The following DHX57 variants were observed in gnomAD, a reference collection of about 807,000 sequenced individuals.
DHX57 encodes putative ATP-dependent RNA helicase DHX57.
A neutral mutation model predicts 156.2 loss-of-function variants in DHX57; 105 were observed. That is an observed-to-expected ratio of 0.67 (90% CI 0.57 to 0.79). DHX57 has a LOEUF of 0.79. Among genes scored for constraint, DHX57 ranks in the 30% least tolerant of loss-of-function variants. DHX57 has a pLI of 0.00. For synonymous variants in DHX57, 704 were observed against 595.6 expected (o/e 1.18, Z -2.65); for missense variants, 1,847 against 1,661.9 (o/e 1.11, Z -1.94).
At chr2:38,799,271 C>A (rs1355726283) in intron 23 of DHX57, among the ~76,000 whole-genome samples, 6 of 151,642 alleles carry the variant, frequency 4.0e-5, no homozygotes, top group Non-Finnish European at 8.8e-5. Context: ...GAGGCTAAGG[C>A]AGGAGAATCG....
At position 38,819,179 on chromosome 2, in the gene DHX57, C is replaced by T. The variant is rs1558364779; in HGVS notation, c.3292-35G>A. 3 of 1,260,466 alleles carry T rather than the reference C, an allele frequency of 2.4e-6. No homozygotes were observed. In the South Asian group the frequency reaches 4.3e-5, roughly 18 times the overall value. 78.1% of individuals were successfully genotyped at this position (1,260,466 alleles called of 1,614,324 possible). A position where few individuals can be genotyped will look rare whatever the true frequency, so the allele number is the denominator to read the frequency against. On this transcript the variant is annotated intron_variant, in intron 17 of 23. Transcript: ENST00000457308. ...AGAGGAAAATCAGATTTAAAGAACA[C>T]TTTTTTTTTTTCAAAGACAGGGTCT... is the stretch of plus-strand genomic sequence containing the variant.
At chr2:38,855,020 A>C (rs1246670481) in intron 8 of DHX57, 37 bp downstream of exon 8, 3 of 1,613,722 alleles carry the variant, frequency 1.9e-6, no homozygotes, top group East Asian at 2.2e-5. Flanking sequence ...AAAAACCATA[A>C]ATTTCTGTTA....
At chr2:38,855,715 A>ATATAATATTAAATTG in intron 7 of DHX57, among the ~76,000 whole-genome samples, 1 of 152,220 alleles carries the variant, frequency 6.6e-6, no homozygotes, top group South Asian at 2.1e-4. Flanking sequence ...ATACTCTTGA[A>ATATAATATTAAATTG]TAAATAAATG....
intron 2 of DHX57, 67 bp from the exon 3 acceptor site, chr2:38,863,586 G>A: frequency 1.3e-6 from 2 of 1,492,644 alleles, no homozygotes; most frequent in South Asian, 1.3e-5. Flanking sequence ...TCTCCTCAGG[G>A]GTCCCCAGAT....
chr2:38,819,201 G>A (rs1055149477), intron 17 of DHX57, 57 bp from the exon 18 acceptor site: 15 of 1,534,268 alleles, frequency 9.8e-6, no homozygotes, highest in Admixed American at 1.7e-5. Context: ...CAAAGACAGG[G>A]TCTTGTTCTG....
At chr2:38,809,619 G>A (rs1189316804) in intron 21 of DHX57, among the ~76,000 whole-genome samples, 1 of 151,700 alleles carries the variant, frequency 6.6e-6, no homozygotes, top group Non-Finnish European at 1.5e-5. Context: ...CCGCCACCAT[G>A]CCTGGCTAAT....
chr2:38,849,932 T>C (rs1453830879), intron 9 of DHX57, among the ~76,000 whole-genome samples: 16 of 152,230 alleles, frequency 1.1e-4, no homozygotes, highest in Admixed American at 1.0e-3. Context: ...TTTTCTGCTT[T>C]ATTTTTTCTT....
chr2:38,810,620 T>C, intron 21 of DHX57: 1 of 638,094 alleles, frequency 1.6e-6, no homozygotes, highest in South Asian at 1.4e-5. Context: ...CCCTTGAAGA[T>C]GGATACCTGC....
intron 6 of DHX57, 38 bp from the exon 7 acceptor site, chr2:38,856,499 TTTTC>T (rs749161593): frequency 6.4e-7 from 1 of 1,557,452 alleles, no homozygotes; most frequent in Non-Finnish European, 8.6e-7. Flanking sequence ...TTGGGTTACT[TTTTC>T]TTTTTTTTTT....
chr2:38,815,126 T>C (rs557684727), intron 20 of DHX57, among the ~76,000 whole-genome samples: 1 of 151,948 alleles, frequency 6.6e-6, no homozygotes, highest in African/African-American at 2.4e-5. Context: ...GAGTGCAGTG[T>C]CTCAATCTTA....
intron 12 of DHX57, among the ~76,000 whole-genome samples, 171 bp downstream of exon 12, chr2:38,842,834 G>A (rs923166256): frequency 2.0e-5 from 3 of 152,080 alleles, no homozygotes; most frequent in Admixed American, 1.3e-4. Context: ...AGTAACAATT[G>A]TATTCTAAAT....
rs763873864 is a variant in DHX57 at position 38,843,200 on chromosome 2, G to T, written c.2230C>A (p.Gln744Lys). ...GACCGCATATATGGGCTCCCATCCT[G>T]TAATACATACCTGAGAAAGACAAAG... Reference protein sequence around the residue: ...DAIAVTRYVLQDGSPYMRSMK... With the variant: ...DAIAVTRYVLKDGSPYMRSMK... Residue 744 changes from glutamine (Q) to lysine (K), a missense_variant, in exon 12 of 24, where the codon CAG (glutamine) becomes AAG (lysine). Physicochemically the swap from Gln to Lys is moderately conservative, Grantham distance 53. Coordinates refer to ENST00000457308, the MANE Select transcript of DHX57 (RefSeq NM_198963.3). 1 of 1,613,852 alleles carries T rather than the reference G, an allele frequency of 6.2e-7. No homozygotes were observed. Among genetic ancestry groups the T allele is most frequent in the African/African-American group, 1.3e-5 (1 of 74,934 alleles).
At chr2:38,861,928 T>C in intron 4 of DHX57, 91 bp from the exon 5 acceptor site, 1 of 1,366,474 alleles carries the variant, frequency 7.3e-7, no homozygotes, top group Non-Finnish European at 9.9e-7. Flanking sequence ...TAGATGAAGT[T>C]ATGACTACAC....
chr2:38,832,706 T>C (rs1162697656), intron 13 of DHX57, among the ~76,000 whole-genome samples: 3 of 151,566 alleles, frequency 2.0e-5, no homozygotes, highest in African/African-American at 7.3e-5. Context: ...TCACCATGTC[T>C]GGCTAATTTT....
At chr2:38,859,772 T>C (rs1443969046) in intron 5 of DHX57, among the ~76,000 whole-genome samples, 4 of 151,824 alleles carry the variant, frequency 2.6e-5, no homozygotes, top group Admixed American at 2.6e-4. Context: ...TACAAACTTT[T>C]GTTTCTCTGG....
intron 13 of DHX57, among the ~76,000 whole-genome samples, chr2:38,836,794 A>AAG (rs1553329628): frequency 0.01 from 1,469 of 143,294 alleles, 14 homozygotes; most frequent in Non-Finnish European, 0.016. Context: ...AAAAAAAAAA[A>AAG]AAAGAAACAA....
At position 38,861,409 on chromosome 2, in the gene DHX57, A is replaced by G. The variant is rs147595771; in HGVS notation, c.1001T>C (p.Ile334Thr). The change falls in exon 5 of 24, where the codon ATA becomes ACA. Residue 334 changes from isoleucine to threonine, a missense_variant. Coordinates refer to ENST00000457308, the MANE Select transcript of DHX57 (RefSeq NM_198963.3). Reference protein sequence around the residue: ...EVPPNQIVGRIERSVDDSHLN... With the variant: ...EVPPNQIVGRTERSVDDSHLN... ...ATGAGAATCATCTACACTTCTTTCT[A>G]TTCTTCCAACAATTTGATTTGGGGG... 17 of 1,614,068 alleles carry G rather than the reference A, an allele frequency of 1.1e-5. No homozygotes were observed. The East Asian group carries it at 1.1e-4, about 11-fold the overall frequency.
intron 19 of DHX57, chr2:38,816,264 G>T (rs1437315166): frequency 6.5e-6 from 3 of 462,162 alleles, no homozygotes; most frequent in African/African-American, 2.0e-5. Context: ...ATCCAGGCTG[G>T]AGTGCAGTGG....
chr2:38,866,535 C>A (rs761701862), intron 2 of DHX57, among the ~76,000 whole-genome samples: 3 of 152,184 alleles, frequency 2.0e-5, no homozygotes, highest in African/African-American at 7.2e-5. Context: ...CTCTCCATAG[C>A]ATGCGGCACC....
Sources: gnomAD v4.1 joint callset for allele counts (sites outside exome capture counted in the v4.1 genomes callset) on GRCh38, gnomAD v4.1.1 for gene constraint, MANE v1.5 for transcripts, NCBI Gene and HGNC (gene_info 2026-07-23, HGNC 2026-07-21) for gene names.